Variants in CNTLN observed in about 807,000 individuals in gnomAD.
The protein encoded by CNTLN is centlein, centrosomal protein.
In CNTLN, 212 loss-of-function variants were observed where a neutral mutation model predicts 180.0. The ratio of observed to expected loss-of-function variants is 1.18; its 90% confidence interval spans 1.05 to 1.32. The LOEUF (loss-of-function observed/expected upper bound fraction) is 1.32, where lower values mean the gene tolerates loss of function less well. Among genes scored for constraint, CNTLN ranks in the 40% most tolerant of loss-of-function variants. The probability of loss-of-function intolerance (pLI) is 0.00; values close to 1 mark genes in which losing one functional copy is unlikely to be tolerated. For missense variants in CNTLN, 2,095 were observed against 1,610.9 expected (o/e 1.30, Z -5.14); for synonymous variants, 722 against 563.1 (o/e 1.28, Z -3.99).
At chr9:17,500,948 T>G (rs1246653898) in intron 25 of CNTLN, among the ~76,000 whole-genome samples, 1 of 152,210 alleles carries the variant, frequency 6.6e-6, no homozygotes, top group East Asian at 1.9e-4. Context: ...AAAAGCAATT[T>G]GTCAAAATTA....
chr9:17,258,770 C>G (rs1230932652), intron 5 of CNTLN, among the ~76,000 whole-genome samples: 41 of 146,140 alleles, frequency 2.8e-4, no homozygotes, highest in Non-Finnish European at 8.9e-5. Flanking sequence ...ATTTGGCTCT[C>G]TGTTTGTCTG....
At chr9:17,369,207 G>T (rs769613189) in intron 13 of CNTLN, among the ~76,000 whole-genome samples, 2 of 151,996 alleles carry the variant, frequency 1.3e-5, no homozygotes, top group African/African-American at 2.4e-5. Flanking sequence ...TTCCCCGTTC[G>T]CTTGGCACTT....
intron 2 of CNTLN, among the ~76,000 whole-genome samples, chr9:17,150,205 T>C (rs557854192): frequency 6.6e-6 from 1 of 152,362 alleles, no homozygotes; most frequent in South Asian, 2.1e-4. Flanking sequence ...TTTTGGTGTT[T>C]TGGACATGAA....
At chr9:17,352,408 A>G (rs1451891922) in intron 12 of CNTLN, among the ~76,000 whole-genome samples, 6 of 45,310 alleles carry the variant, frequency 1.3e-4, no homozygotes, top group Non-Finnish European at 3.6e-4. Context: ...ATATATATAT[A>G]TATATATATT....
intron 23 of CNTLN, among the ~76,000 whole-genome samples, chr9:17,469,595 A>G (rs997592296): frequency 3.3e-5 from 5 of 151,930 alleles, no homozygotes; most frequent in African/African-American, 4.8e-5. Flanking sequence ...CGTTAGATCA[A>G]TGCTTCCTCC....
At chr9:17,328,469 G>T (rs2133096357) in intron 8 of CNTLN, among the ~76,000 whole-genome samples, 1 of 152,298 alleles carries the variant, frequency 6.6e-6, no homozygotes, top group Middle Eastern at 3.4e-3. Flanking sequence ...CAACTGCCCT[G>T]AATTCCCTCC....
At chr9:17,357,409 G>T (rs1822936158) in intron 12 of CNTLN, among the ~76,000 whole-genome samples, 1 of 151,350 alleles carries the variant, frequency 6.6e-6, no homozygotes. Flanking sequence ...ATTTTATTTT[G>T]TAACTCTGGA....
At chr9:17,269,034 G>T (rs1447556907) in intron 5 of CNTLN, among the ~76,000 whole-genome samples, 4 of 152,038 alleles carry the variant, frequency 2.6e-5, no homozygotes, top group Non-Finnish European at 5.9e-5. Context: ...ACGGTGCGCT[G>T]CACCCACTGT....
intron 5 of CNTLN, among the ~76,000 whole-genome samples, chr9:17,269,497 T>C (rs1334241333): frequency 6.6e-6 from 1 of 152,194 alleles, no homozygotes; most frequent in Non-Finnish European, 1.5e-5. Flanking sequence ...TTTTCTAATT[T>C]CTTTCTTTCA....
intron 2 of CNTLN, among the ~76,000 whole-genome samples, chr9:17,169,686 C>T (rs2131639462): frequency 6.6e-6 from 1 of 151,940 alleles, no homozygotes; most frequent in East Asian, 1.9e-4. Flanking sequence ...TTCTTGGCAC[C>T]TTTGTTGAAA....
At chr9:17,157,278 A>G (rs1819362955) in intron 2 of CNTLN, among the ~76,000 whole-genome samples, 1 of 152,210 alleles carries the variant, frequency 6.6e-6, no homozygotes. Flanking sequence ...ATCAATACGT[A>G]CCAAATATTA....
chr9:17,332,894 T>G (rs777222610), intron 10 of CNTLN, among the ~76,000 whole-genome samples, 164 bp downstream of exon 10: 1 of 152,140 alleles, frequency 6.6e-6, no homozygotes, highest in Non-Finnish European at 1.5e-5. Context: ...TTTCTGAGGA[T>G]GATAAAATAA....
At chr9:17,356,018 C>G (rs1822808461) in intron 12 of CNTLN, among the ~76,000 whole-genome samples, 1 of 148,168 alleles carries the variant, frequency 6.7e-6, no homozygotes, top group Admixed American at 6.8e-5. Context: ...GAGCCGAGAT[C>G]ACGCCACTGC....
chr9:17,202,983 C>T (rs1370769858), intron 2 of CNTLN, among the ~76,000 whole-genome samples: 1 of 151,990 alleles, frequency 6.6e-6, no homozygotes, highest in Non-Finnish European at 1.5e-5. Flanking sequence ...CTGGTTTTTC[C>T]TTTCCATATT....
intron 18 of CNTLN, among the ~76,000 whole-genome samples, chr9:17,433,662 C>T (rs1363457928): frequency 1.3e-5 from 2 of 151,920 alleles, no homozygotes; most frequent in East Asian, 3.9e-4. Flanking sequence ...GGGTCTTTCT[C>T]TGTTGCCCAG....
At chr9:17,238,015 A>G (rs1825263634) in intron 5 of CNTLN, among the ~76,000 whole-genome samples, 1 of 152,154 alleles carries the variant, frequency 6.6e-6, no homozygotes, top group Non-Finnish European at 1.5e-5. Context: ...TCACAGCTAC[A>G]TGATTATTTG....
At chr9:17,442,026 T>C (rs1830138591) in intron 18 of CNTLN, among the ~76,000 whole-genome samples, 1 of 152,048 alleles carries the variant, frequency 6.6e-6, no homozygotes, top group Non-Finnish European at 1.5e-5. Flanking sequence ...AACTCCTGTA[T>C]GTATAGGAAG....
At chr9:17,197,482 T>G (rs1822209268) in intron 2 of CNTLN, among the ~76,000 whole-genome samples, 2 of 152,202 alleles carry the variant, frequency 1.3e-5, no homozygotes, top group Non-Finnish European at 2.9e-5. Flanking sequence ...TGTATACATG[T>G]GCCATGTTGG....
In CNTLN at chr9:17,236,587, A is replaced by G. The variant is rs931082187; in HGVS notation, c.848A>G (p.Lys283Arg). ...KEKYSTDAKIKTFEDNLIEAR... is the reference protein window; with the variant it reads ...KEKYSTDAKIRTFEDNLIEAR... Reference sequence around the variant, plus strand: ...AAATATAGCACTGATGCAAAAATAAAGGTATACAATAGGAATGGAATCCAT... The same window carrying G: ...AAATATAGCACTGATGCAAAAATAAGGGTATACAATAGGAATGGAATCCAT... Residue 283 changes from lysine to arginine, a missense_variant and splice_region_variant, in exon 5 of 26, where the codon AAG becomes AGG. Lys to Arg is a conservative substitution (Grantham distance 26, BLOSUM62 2). Coordinates refer to ENST00000380647, the MANE Select transcript of CNTLN (RefSeq NM_017738.4). 6 of 1,604,678 alleles carry G rather than the reference A, an allele frequency of 3.7e-6. No individual in the cohort carries two copies. The highest frequency in any genetic ancestry group is 5.1e-6 in the Non-Finnish European group (6 of 1,176,614).
Sources: gnomAD v4.1 joint callset for allele counts (sites outside exome capture counted in the v4.1 genomes callset) on GRCh38, gnomAD v4.1.1 for gene constraint, MANE v1.5 for transcripts, NCBI Gene and HGNC (gene_info 2026-07-23, HGNC 2026-07-21) for gene names.